Variants in ITSN1 observed in about 807,000 individuals in gnomAD.
ITSN1 encodes the protein intersectin 1.
Under a neutral mutation model 239.8 loss-of-function variants are expected in ITSN1, and 58 were observed. The observed-to-expected ratio is 0.24, with a 90% CI of 0.20 to 0.30. The LOEUF (loss-of-function observed/expected upper bound fraction) is 0.30, where lower values mean the gene tolerates loss of function less well. ITSN1 is among the 10% of genes least tolerant of loss of function. ITSN1 has a pLI of 1.00. For synonymous variants in ITSN1, 780 were observed against 770.8 expected (o/e 1.01, Z -0.20); for missense variants, 1,558 against 2,103.3 (o/e 0.74, Z 5.07).
chr21:33,880,335 T>C (rs969828383), intron 34 of ITSN1, among the ~76,000 whole-genome samples: 5 of 152,222 alleles, frequency 3.3e-5, no homozygotes, highest in Admixed American at 6.5e-5. Context: ...CTTTATGTCA[T>C]TGGATCCAAT....
chr21:33,776,524 C>A (rs2069634582), intron 14 of ITSN1, among the ~76,000 whole-genome samples: 1 of 145,398 alleles, frequency 6.9e-6, no homozygotes, highest in Admixed American at 7.1e-5. Context: ...ACTGCCTGGG[C>A]CACAGAATGA....
intron 36 of ITSN1, among the ~76,000 whole-genome samples, chr21:33,883,948 G>A (rs1985374906): frequency 1.4e-5 from 2 of 145,086 alleles, no homozygotes; most frequent in Non-Finnish European, 3.0e-5. Flanking sequence ...CACCCAGGCT[G>A]GAGTGCAGTA....
chr21:33,749,091 T>C (rs1193664473), intron 5 of ITSN1, among the ~76,000 whole-genome samples: 1 of 151,432 alleles, frequency 6.6e-6, no homozygotes, highest in African/African-American at 2.4e-5. Flanking sequence ...TCGGCATAAG[T>C]GATCCTCCCA....
At chr21:33,739,855 C>G (rs934368035) in intron 5 of ITSN1, among the ~76,000 whole-genome samples, 1 of 152,314 alleles carries the variant, frequency 6.6e-6, no homozygotes, top group Middle Eastern at 3.4e-3. Flanking sequence ...GGTTGATAGA[C>G]TTATCTGTGT....
rs1378313308 is a variant in ITSN1, at chr21:33,798,822, G to C, written c.2183-986G>C. On this transcript the variant is annotated intron_variant, in intron 18 of 39. Coordinates refer to ENST00000381318, the MANE Select transcript of ITSN1 (RefSeq NM_003024.3). ...TGCAGTCCAGGGGAAAGACTGGCAG[G>C]TCATCAGACCTACAGAGTAGCAACC... 5.3e-5 allele frequency among the ~76,000 whole-genome samples: 8 copies of C among 152,166 alleles called. No homozygotes were observed. The East Asian group carries it at 1.5e-3, about 29-fold the overall frequency.
At chr21:33,859,031 T>C (rs1056646812) in intron 31 of ITSN1, among the ~76,000 whole-genome samples, 1 of 152,188 alleles carries the variant, frequency 6.6e-6, no homozygotes, top group African/African-American at 2.4e-5. Flanking sequence ...GAGCCTGCTG[T>C]TGGGTGAATT....
intron 1 of ITSN1, among the ~76,000 whole-genome samples, chr21:33,690,816 T>C (rs1383322033): frequency 1.2e-4 from 4 of 34,276 alleles, no homozygotes; most frequent in African/African-American, 5.1e-4. Flanking sequence ...TATATATATG[T>C]ATATATATAT....
At chr21:33,785,596 A>G (rs1278781417) in intron 16 of ITSN1, among the ~76,000 whole-genome samples, 1 of 152,212 alleles carries the variant, frequency 6.6e-6, no homozygotes, top group East Asian at 1.9e-4. Flanking sequence ...AAAATCTGAT[A>G]AGCAAAGATA....
In ITSN1 at chr21:33,718,933, AATT is replaced by A. The variant is rs942503266; in HGVS notation, c.28+79_28+81del. ...AAACTTGATATTATGGCAAATTTAA[AATT>A]AAAAAGTAGAGAAAATAATATAATC... On this transcript the variant is annotated intron_variant, in intron 2 of 39. Coordinates refer to ENST00000381318, the MANE Select transcript of ITSN1 (RefSeq NM_003024.3). 1.3e-4 allele frequency: 150 copies of A among 1,129,042 alleles called. No homozygotes were observed. The African/African-American group carries it at 2.2e-3, about 17-fold the overall frequency. 69.9% of individuals were successfully genotyped at this position (1,129,042 alleles called of 1,614,324 possible).
At chr21:33,875,965 CCA>C (rs1168514259) in intron 34 of ITSN1, among the ~76,000 whole-genome samples, 1 of 152,176 alleles carries the variant, frequency 6.6e-6, no homozygotes, top group Non-Finnish European at 1.5e-5. Flanking sequence ...CAGGCATGAG[CCA>C]CCGCGCCTGG....
chr21:33,669,519 A>C (rs1366226606), intron 1 of ITSN1, among the ~76,000 whole-genome samples: 4 of 149,662 alleles, frequency 2.7e-5, no homozygotes, highest in African/African-American at 9.9e-5. Context: ...GGCTCACTGC[A>C]ACCTCCGCCT....
At chr21:33,715,429 A>T (rs984873771) in intron 1 of ITSN1, among the ~76,000 whole-genome samples, 1 of 152,214 alleles carries the variant, frequency 6.6e-6, no homozygotes, top group African/African-American at 2.4e-5. Context: ...TATATATTAA[A>T]TATCTGTTTT....
chr21:33,704,681 CACCAAA>C (rs1244015081), intron 1 of ITSN1, among the ~76,000 whole-genome samples: 2 of 152,124 alleles, frequency 1.3e-5, no homozygotes, highest in Non-Finnish European at 2.9e-5. Flanking sequence ...AGTAAATCCT[CACCAAA>C]ATTGACTTCA....
chr21:33,858,575 A>G, intron 30 of ITSN1, 111 bp from the exon 31 acceptor site: 2 of 634,164 alleles, frequency 3.2e-6, no homozygotes, highest in South Asian at 2.3e-5. Context: ...TGGGCCTCTC[A>G]GCCAAGGTAC....
intron 15 of ITSN1, 125 bp from the exon 16 acceptor site, chr21:33,781,869 G>T (rs962563766): frequency 3.2e-6 from 3 of 925,858 alleles, no homozygotes; most frequent in South Asian, 1.8e-5. Context: ...GTAGGCCACC[G>T]CACCCAGCCT....
chr21:33,733,875 C>T (rs1038144657), intron 4 of ITSN1, among the ~76,000 whole-genome samples: 1 of 152,064 alleles, frequency 6.6e-6, no homozygotes, highest in African/African-American at 2.4e-5. Context: ...TAAAATGTGC[C>T]AACTTTTACA....
chr21:33,725,544 C>T (rs1240352093), intron 4 of ITSN1, among the ~76,000 whole-genome samples: 6 of 152,056 alleles, frequency 3.9e-5, no homozygotes, highest in Non-Finnish European at 8.8e-5. Flanking sequence ...AGGCTGCAGT[C>T]AGCTATGATT....
At chr21:33,649,890 A>G (rs1464611331) in intron 1 of ITSN1, among the ~76,000 whole-genome samples, 1 of 151,832 alleles carries the variant, frequency 6.6e-6, no homozygotes, top group African/African-American at 2.4e-5. Flanking sequence ...GTGGCGCACA[A>G]GTGTAATCCC....
intron 22 of ITSN1, among the ~76,000 whole-genome samples, chr21:33,816,612 A>T (rs1265040832): frequency 6.6e-6 from 1 of 152,226 alleles, no homozygotes; most frequent in Non-Finnish European, 1.5e-5. Context: ...GACAAAGCAG[A>T]CACGGGGAAG....
Sources: gnomAD v4.1 joint callset for allele counts (sites outside exome capture counted in the v4.1 genomes callset) on GRCh38, gnomAD v4.1.1 for gene constraint, MANE v1.5 for transcripts, NCBI Gene and HGNC (gene_info 2026-07-23, HGNC 2026-07-21) for gene names.